The following SRM variants were observed in gnomAD, a reference collection of about 807,000 sequenced individuals.
SRM encodes putrescine aminopropyltransferase.
In SRM, 14 loss-of-function variants were observed where a neutral mutation model predicts 39.3. The ratio of observed to expected loss-of-function variants is 0.36; its 90% CI spans 0.24 to 0.56. SRM has a LOEUF of 0.56. SRM is among the 20% of genes least tolerant of loss of function. SRM has a pLI of 0.86. For synonymous variants in SRM, 195 were observed against 173.1 expected (o/e 1.13, Z -0.99); for missense variants, 244 against 409.2 (o/e 0.60, Z 3.48).
chr1:11,055,254 C>T, intron 6 of SRM, 170 bp from the exon 7 acceptor site: 1 of 995,036 alleles, frequency 1.0e-6, no homozygotes, highest in Non-Finnish European at 1.4e-6. Flanking sequence ...TACGCGCCAC[C>T]ACGCCCGGCT....
intron 6 of SRM, among the ~76,000 whole-genome samples, chr1:11,055,484 G>A (rs1304138468): frequency 1.3e-5 from 2 of 149,184 alleles, no homozygotes; most frequent in Non-Finnish European, 3.0e-5. Context: ...GCGCAATCTC[G>A]GCTCACTGCA....
intron 3 of SRM, 49 bp from the exon 4 acceptor site, chr1:11,056,806 G>A (rs1215492437): frequency 6.2e-7 from 1 of 1,606,794 alleles, no homozygotes; most frequent in African/African-American, 1.3e-5. Flanking sequence ...TGGGGGACCT[G>A]GAGCCAGCAC....
In SRM at chr1:11,056,678, C is replaced by T. The variant is rs1638883981; in HGVS notation, c.461G>A (p.Gly154Asp). 2.5e-6 allele frequency: 4 copies of T among 1,614,168 alleles called. No individual in the cohort carries two copies. Among genetic ancestry groups the T allele is most frequent in the Non-Finnish European group, 3.4e-6 (4 of 1,180,032 alleles). Residue 154 changes from glycine (G) to aspartate (D), a missense_variant, in exon 4 of 8, where the codon GGT (glycine) becomes GAT (aspartate). Gly to Asp is a moderately conservative substitution (Grantham distance 94). Transcript: ENST00000376957. Reference protein sequence around the residue: ...YSSSKLTLHVGDGFEFMKQNQ... With the variant: ...YSSSKLTLHVDDGFEFMKQNQ... ...CTGTTTCATGAACTCAAAACCGTCA[C>T]CCACATGTAGGGTCAGCTTCGAGCT...
chr1:11,055,758 A>AC (rs1557682586), intron 6 of SRM, 23 bp downstream of exon 6: 11 of 748,340 alleles, frequency 1.5e-5, no homozygotes, highest in Non-Finnish European at 2.3e-5. Flanking sequence ...CCCAACCCCC[A>AC]CCCCCAGACA....
chr1:11,059,900 G>A lies in SRM; in HGVS notation c.44C>T (p.Ala15Val), dbSNP rs750929877. Residue 15 changes from alanine to valine, a missense_variant, in exon 1 of 8, where the codon GCC (alanine) becomes GTC (valine). Transcript: ENST00000376957. ...PDGPAASGPA[A>V]IREGWFRETC... ...CTCGCGGAACCAGCCCTCGCGGATGGCGGCGGGGCCGGAGGCGGCGGGGCC... is the reference window on the plus strand; with the variant it reads ...CTCGCGGAACCAGCCCTCGCGGATGACGGCGGGGCCGGAGGCGGCGGGGCC... 16 of 1,432,016 alleles carry A rather than the reference G, an allele frequency of 1.1e-5. 1 individual carries two copies. In the South Asian group the frequency reaches 1.9e-4, roughly 17 times the overall value. The allele number at this position is 1,432,016 out of a possible 1,614,324, so 88.7% of individuals were successfully genotyped here. A position where few individuals can be genotyped will look rare whatever the true frequency, so the allele number is the denominator to read the frequency against.
intron 6 of SRM, 77 bp downstream of exon 6, chr1:11,055,704 C>A: frequency 6.8e-7 from 1 of 1,464,092 alleles, no homozygotes; most frequent in Non-Finnish European, 9.2e-7. Flanking sequence ...TGTGAGCCAC[C>A]GCGCCCGGCA....
intron 1 of SRM, chr1:11,059,564 C>T (rs1232992360): frequency 9.7e-6 from 9 of 924,286 alleles, no homozygotes; most frequent in Non-Finnish European, 1.4e-5. Flanking sequence ...AGGGCTGACA[C>T]GTGGAGCGGG....
At position 11,054,856 on chromosome 1, in the gene SRM, C is replaced by G; in HGVS notation, c.*9G>C. Reference sequence around the variant, plus strand: ...AGGTCCTGGGTGGCATCAGTGGTGGCGCCTGGGCTCAGCTCACATCATTCA... The same window carrying G: ...AGGTCCTGGGTGGCATCAGTGGTGGGGCCTGGGCTCAGCTCACATCATTCA... On this transcript the variant is annotated 3_prime_UTR_variant, in exon 8 of 8. Transcript: ENST00000376957. The surrounding 1 kb of genome is among the most constrained non-coding windows in gnomAD (Gnocchi z 4.8). 6.2e-7 allele frequency: 1 copy of G among 1,602,290 alleles called. No homozygotes were observed. Among genetic ancestry groups the G allele is most frequent in the Non-Finnish European group, 8.5e-7 (1 of 1,173,662 alleles).
chr1:11,055,737 C>G lies in SRM; in HGVS notation c.765+44G>C, dbSNP rs747419784. 2.1e-5 allele frequency: 32 copies of G among 1,533,906 alleles called. No homozygotes were observed. In the South Asian group the frequency reaches 2.7e-4, roughly 13 times the overall value. ...GCAGGGGCAGGGATCTCTATTTATGCCCACCTTCCCCCCAACCCCCACCCC... is the reference window on the plus strand; with the variant it reads ...GCAGGGGCAGGGATCTCTATTTATGGCCACCTTCCCCCCAACCCCCACCCC... On this transcript the variant is annotated intron_variant, in intron 6 of 7. Coordinates refer to ENST00000376957, the MANE Select transcript of SRM (RefSeq NM_003132.3).
At chr1:11,056,164 G>A (rs2100920690) in intron 4 of SRM, 70 bp from the exon 5 acceptor site, 3 of 1,407,904 alleles carry the variant, frequency 2.1e-6, no homozygotes, top group South Asian at 2.8e-5. Flanking sequence ...CACCCACACA[G>A]CTACCAGGTG....
chr1:11,056,859 T>C (rs1284171836), intron 3 of SRM, 102 bp from the exon 4 acceptor site: 1 of 1,214,594 alleles, frequency 8.2e-7, no homozygotes, highest in Non-Finnish European at 1.2e-6. Context: ...CAAGCCGCCT[T>C]GGCCAACCCC....
Position 11,054,755 on chromosome 1 carries a change from G to C in SRM, c.*110C>G. On this transcript the variant is annotated 3_prime_UTR_variant, in exon 8 of 8. Coordinates refer to ENST00000376957, the MANE Select transcript of SRM (RefSeq NM_003132.3). This position sits in a 1 kb window ranked among gnomAD's most constrained non-coding sequence, Gnocchi z 4.8. ...AGCATTCTGGGGCTTGTAACACTTGGTTGGTGGGCGAGAGCCAGCAGGAGG... is the reference window on the plus strand; with the variant it reads ...AGCATTCTGGGGCTTGTAACACTTGCTTGGTGGGCGAGAGCCAGCAGGAGG... 6.9e-7 allele frequency: 1 copy of C among 1,444,308 alleles called. No homozygotes were observed. Among genetic ancestry groups the C allele is most frequent in the Non-Finnish European group, 9.2e-7 (1 of 1,083,774 alleles). The allele number at this position is 1,444,308 out of a possible 1,614,324, so 89.5% of individuals were successfully genotyped here.
intron 3 of SRM, 91 bp downstream of exon 3, chr1:11,058,709 C>A (rs551897611): frequency 6.1e-6 from 7 of 1,144,230 alleles, no homozygotes; most frequent in Non-Finnish European, 8.6e-6. Context: ...ACAGGCCCTA[C>A]CTGCCTTGCT....
In SRM at chr1:11,054,609, T is replaced by G. The variant is rs147068029; in HGVS notation, c.*256A>C. On this transcript the variant is annotated 3_prime_UTR_variant, in exon 8 of 8. Transcript: ENST00000376957. This position sits in a 1 kb window ranked among gnomAD's most constrained non-coding sequence, Gnocchi z 4.8. ...CAATCTTTGCTATAAATACACGTGT[T>G]TGGTGAGTGAGGGGCAACAGAAGGC... 43 of 534,844 alleles carry G rather than the reference T, an allele frequency of 8.0e-5. No individual in the cohort carries two copies. Among genetic ancestry groups the G allele is most frequent in the Non-Finnish European group, 4.6e-5 (14 of 307,362 alleles). The allele number at this position is 534,844 out of a possible 1,614,324, so 33.1% of individuals were successfully genotyped here.
At chr1:11,059,121 G>GCGGC in intron 2 of SRM, 104 bp downstream of exon 2, 1 of 1,575,700 alleles carries the variant, frequency 6.3e-7, no homozygotes, top group Non-Finnish European at 8.6e-7. Context: ...CCCTGGCCTC[G>GCGGC]CTAGCACTTT....
At chr1:11,059,518 G>A in intron 1 of SRM, 173 bp from the exon 2 acceptor site, 3 of 1,143,782 alleles carry the variant, frequency 2.6e-6, no homozygotes, top group Non-Finnish European at 3.7e-6. Context: ...AGGCCGGGGT[G>A]GGACCCGGGG....
chr1:11,057,728 C>A (rs1557683345), intron 3 of SRM, among the ~76,000 whole-genome samples: 1 of 151,506 alleles, frequency 6.6e-6, no homozygotes, highest in Non-Finnish European at 1.5e-5. Flanking sequence ...CTTCTCCTGT[C>A]CCCCAGCCCC....
rs1245589005 is a variant in SRM at position 11,058,902 on chromosome 1, G to C, written c.289-10C>G. The C allele has an allele frequency of 1.4e-5, 22 of 1,600,782 alleles. No homozygotes were observed. The Admixed American group carries it at 3.6e-4, about 26-fold the overall frequency. On this transcript the variant is annotated splice_polypyrimidine_tract_variant and intron_variant, in intron 2 of 7. Transcript: ENST00000376957. ...CCCCGATGATCAGCACCTGGGAGGA[G>C]GGGGCAGTCAAGGCAGGGGCCCTGG... is the stretch of plus-strand genomic sequence containing the variant.
chr1:11,059,658 G>T, intron 1 of SRM, 119 bp downstream of exon 1: 1 of 1,228,202 alleles, frequency 8.1e-7, no homozygotes, highest in South Asian at 1.6e-5. Flanking sequence ...GGTGGCGAGG[G>T]GGCCAGGGCA....
Sources: allele counts gnomAD v4.1 joint callset (sites outside exome capture counted in the v4.1 genomes callset), GRCh38; gene constraint gnomAD v4.1.1; non-coding constraint Gnocchi (gnomAD v3.1); transcripts MANE v1.5; gene names NCBI Gene and HGNC (gene_info 2026-07-23, HGNC 2026-07-21).